ZBTB25: variants seen among roughly 807,000 people sequenced by gnomAD.
ZBTB25 encodes the protein zinc finger and BTB domain-containing protein 25.
A neutral mutation model predicts 34.2 loss-of-function variants in ZBTB25; 20 were observed. The ratio of observed to expected loss-of-function variants is 0.58; its 90% CI spans 0.41 to 0.85. ZBTB25 has a LOEUF of 0.85. Ranked by LOEUF, ZBTB25 falls within the 40% of genes least tolerant of loss-of-function variation. ZBTB25 has a pLI of 0.00. For synonymous variants in ZBTB25, 175 were observed against 186.4 expected, an observed-to-expected ratio of 0.94 and a Z score of 0.50; for missense variants, 437 against 521.8, an observed-to-expected ratio of 0.84 and a Z score of 1.58.
At position 64,501,954 on chromosome 14, in the gene ZBTB25, G is replaced by T. The variant is rs142900867; in HGVS notation, c.-8+1707C>A. On this transcript the variant is annotated intron_variant, in intron 1 of 2. Transcript: ENST00000608382. ...TCTCATTCCCTTCCCGGCTGAAACA[G>T]GAGCAAGATATAATGCAAAACAGCA... Among the ~76,000 whole-genome samples the T allele has an allele frequency of 1.8e-4, 28 of 152,336 alleles. No homozygotes were observed. The East Asian group carries it at 5.2e-3, about 28-fold the overall frequency.
chr14:64,486,488 G>A lies in ZBTB25; in HGVS notation c.*435C>T. Reference sequence around the variant, plus strand: ...TAAAGTAACTATTAATTTCCTATATGGAAGAAAATATTTAAAAATAATCCT... The same window carrying A: ...TAAAGTAACTATTAATTTCCTATATAGAAGAAAATATTTAAAAATAATCCT... On this transcript the variant is annotated 3_prime_UTR_variant, in exon 3 of 3. Coordinates refer to ENST00000608382, the MANE Select transcript of ZBTB25 (RefSeq NM_006977.5). The A allele has an allele frequency of 1.0e-6, 1 of 964,836 alleles. No individual in the cohort carries two copies. The highest frequency in any genetic ancestry group is 1.2e-6 in the Non-Finnish European group (1 of 810,784). 59.8% of individuals were successfully genotyped at this position (964,836 alleles called of 1,614,324 possible).
rs186485523 is a variant in ZBTB25, at chr14:64,502,890, A to G, written c.-8+771T>C. ...TCTAAAATTTAAGATTCCAAAGTGTACTTTACATACATGACAGAATCTTGT... is the reference window on the plus strand; with the variant it reads ...TCTAAAATTTAAGATTCCAAAGTGTGCTTTACATACATGACAGAATCTTGT... On this transcript the variant is annotated intron_variant, in intron 1 of 2. Transcript: ENST00000608382. 2.2e-5 allele frequency: 22 copies of G among 985,320 alleles called. No individual in the cohort carries two copies. In the East Asian group the frequency reaches 2.4e-3, roughly 107 times the overall value. 61.0% of individuals were successfully genotyped at this position (985,320 alleles called of 1,614,324 possible).
At chr14:64,503,525 G>A (rs752479985) in intron 1 of ZBTB25, 136 bp downstream of exon 1, 112 of 985,792 alleles carry the variant, frequency 1.1e-4, no homozygotes, top group Non-Finnish European at 1.3e-4. Flanking sequence ...ATCTCAATCG[G>A]ACCAAAAACA....
intron 1 of ZBTB25, among the ~76,000 whole-genome samples, chr14:64,498,680 C>A (rs1366791567): frequency 2.0e-5 from 3 of 151,958 alleles, no homozygotes; most frequent in African/African-American, 4.8e-5. Flanking sequence ...GTTGCCCAGG[C>A]TGGAGTGCAG....
In ZBTB25 at chr14:64,485,877, C is replaced by A; in HGVS notation, c.*1046G>T. The A allele has an allele frequency of 1.0e-6, 1 of 985,402 alleles. No homozygotes were observed. The highest frequency in any genetic ancestry group is 4.7e-5 in the South Asian group (1 of 21,286). The allele number at this position is 985,402 out of a possible 1,614,324, so 61.0% of individuals were successfully genotyped here. On this transcript the variant is annotated 3_prime_UTR_variant, in exon 3 of 3. Transcript: ENST00000608382. ...AAGAAAACACTCTAGACCAAGTTAA[C>A]AACCCTGGGGTTTTTAGTCAATGCA...
intron 2 of ZBTB25, chr14:64,453,834 A>G (rs747245120): frequency 1.2e-6 from 2 of 1,610,980 alleles, no homozygotes; most frequent in Admixed American, 1.7e-5. Flanking sequence ...CCGAAGCTCA[A>G]CACAAAGCTG....
intron 2 of ZBTB25, chr14:64,454,757 C>T: frequency 6.2e-7 from 1 of 1,614,022 alleles, no homozygotes; most frequent in Non-Finnish European, 8.5e-7. Context: ...ATGGCTAAAA[C>T]ACACTTGTCT....
At chr14:64,458,376 A>C in intron 2 of ZBTB25, 1 of 991,300 alleles carries the variant, frequency 1.0e-6, no homozygotes. Context: ...ATAGGGCTCA[A>C]ACTGACGCTA....
At chr14:64,495,699 G>A (rs1225940382) in intron 1 of ZBTB25, among the ~76,000 whole-genome samples, 3 of 152,242 alleles carry the variant, frequency 2.0e-5, no homozygotes, top group Non-Finnish European at 2.9e-5. Context: ...GCTCATGCCT[G>A]TAATCCCAGA....
intron 1 of ZBTB25, among the ~76,000 whole-genome samples, chr14:64,497,321 T>A (rs1248146992): frequency 6.6e-6 from 1 of 152,200 alleles, no homozygotes; most frequent in East Asian, 1.9e-4. Context: ...ACTCTGCAAA[T>A]TATTAGCTAG....
rs1312409753 is a variant in ZBTB25 at position 64,483,145 on chromosome 14, C to T, written c.*3778G>A. 2 of 152,152 alleles carry T rather than the reference C, an allele frequency of 1.3e-5. No individual in the cohort carries two copies. The highest frequency in any genetic ancestry group is 2.9e-5 in the Non-Finnish European group (2 of 68,018). The allele number at this position is 152,152 out of a possible 1,614,324, so 9.4% of individuals were successfully genotyped here. ...ATGTTTAGTATCTGCCTGATACACA[C>T]GAAAGTGCATATGACATTTCCAGTT... On this transcript the variant is annotated 3_prime_UTR_variant, in exon 3 of 3. Transcript: ENST00000608382.
chr14:64,499,334 AGGCAG>A, intron 1 of ZBTB25: 1 of 152,330 alleles, frequency 6.6e-6, no homozygotes, highest in Non-Finnish European at 1.5e-5. Context: ...TGGGAGGCCG[AGGCAG>A]GTGGATTACC....
rs1217651607 is a variant in ZBTB25, at chr14:64,490,550, A to G, written c.-7-10T>C. 1.2e-6 allele frequency: 2 copies of G among 1,604,446 alleles called. No individual in the cohort carries two copies. Among genetic ancestry groups the G allele is most frequent in the East Asian group, 2.2e-5 (1 of 44,776 alleles). ...AGTGTCCATTGTGGTTCTGAAAAAA[A>G]GGACAAGATAAATGTAGATAGGTGT... On this transcript the variant is annotated splice_polypyrimidine_tract_variant and intron_variant, in intron 1 of 2. Transcript: ENST00000608382.
Position 64,487,656 on chromosome 14 carries a change from G to GCA in ZBTB25, c.574_575insTG (p.Ala192ValfsTer23). ...TGGGGGCTTCTGGTGCTCCTCCAGG[G>GCA]CCTGGGTGGCAGGACAGGCCCTCTG... On this transcript the variant is annotated frameshift_variant, in exon 3 of 3. Coordinates refer to ENST00000608382, the MANE Select transcript of ZBTB25 (RefSeq NM_006977.5). LOFTEE classifies it high-confidence loss of function. The GCA allele has an allele frequency of 6.2e-7, 1 of 1,605,866 alleles. No individual in the cohort carries two copies. Among genetic ancestry groups the GCA allele is most frequent in the South Asian group, 1.1e-5 (1 of 89,506 alleles).
chr14:64,468,499 T>G (rs1355854135), intron 2 of ZBTB25: 1 of 1,614,042 alleles, frequency 6.2e-7, no homozygotes, highest in Non-Finnish European at 8.5e-7. Context: ...CATCCATGCT[T>G]TGCTTCAAGA....
In ZBTB25 at chr14:64,487,392, C is replaced by G. The variant is rs1175229585; in HGVS notation, c.839G>C (p.Gly280Ala). The G allele has an allele frequency of 6.2e-7, 1 of 1,614,026 alleles. No individual in the cohort carries two copies. Among genetic ancestry groups the G allele is most frequent in the Admixed American group, 1.7e-5 (1 of 59,988 alleles). The change falls in exon 3 of 3, where the codon GGT becomes GCT. Residue 280 changes from glycine to alanine, a missense_variant. Transcript: ENST00000608382. ...GTTTTCATTAAGGGGATGCACTTCACCAAGGTCATTACTTTCCAGAATGGA... is the reference window on the plus strand; with the variant it reads ...GTTTTCATTAAGGGGATGCACTTCAGCAAGGTCATTACTTTCCAGAATGGA... ...PASILESNDL[G>A]EVHPLNENSE...
chr14:64,468,265 A>G, intron 2 of ZBTB25: 2 of 792,620 alleles, frequency 2.5e-6, no homozygotes, highest in South Asian at 2.0e-5. Context: ...TGTATGGAGT[A>G]AGATGAAAGG....
intron 1 of ZBTB25, among the ~76,000 whole-genome samples, chr14:64,501,848 T>A (rs567667294): frequency 3.3e-5 from 5 of 152,356 alleles, no homozygotes; most frequent in Admixed American, 1.3e-4. Context: ...CTCCACTTTG[T>A]AAGGCATAGA....
intron 1 of ZBTB25, among the ~76,000 whole-genome samples, chr14:64,494,113 A>G (rs749426789): frequency 2.0e-5 from 3 of 152,222 alleles, no homozygotes; most frequent in Non-Finnish European, 4.4e-5. Context: ...GAAAACAGAA[A>G]AGACAAAATA....
Sources: allele counts gnomAD v4.1 joint callset (sites outside exome capture counted in the v4.1 genomes callset), GRCh38; gene constraint gnomAD v4.1.1; transcripts MANE v1.5; gene names NCBI Gene and HGNC (gene_info 2026-07-23, HGNC 2026-07-21).